Variants in PPA1 observed in about 807,000 individuals in gnomAD.
PPA1 encodes inorganic pyrophosphatase.
In PPA1, 23 loss-of-function variants were observed where a neutral mutation model predicts 41.8. The ratio of observed to expected loss-of-function variants is 0.55; its 90% CI spans 0.40 to 0.78. The LOEUF (loss-of-function observed/expected upper bound fraction) is 0.78, where lower values mean the gene tolerates loss of function less well. PPA1 is among the 30% of genes least tolerant of loss of function. The probability of loss-of-function intolerance (pLI) is 0.00; values close to 1 mark genes in which losing one functional copy is unlikely to be tolerated. For missense variants in PPA1, 320 were observed against 361.6 expected (o/e 0.89, Z 0.93); for synonymous variants, 101 against 116.8 (o/e 0.86, Z 0.87).
intron 2 of PPA1, 88 bp downstream of exon 2, chr10:70,230,253 C>T: frequency 3.5e-6 from 5 of 1,446,720 alleles, no homozygotes; most frequent in Non-Finnish European, 4.8e-6. Context: ...GCATTTTAAG[C>T]ACTTGTTGAG....
intron 7 of PPA1, 117 bp from the exon 8 acceptor site, chr10:70,209,407 G>A (rs2136753825): frequency 7.7e-7 from 1 of 1,297,218 alleles, no homozygotes; most frequent in African/African-American, 1.5e-5. Flanking sequence ...TTCTAAAAAT[G>A]GAAGAGAATA....
Position 70,213,475 on chromosome 10 carries a change from C to A in PPA1, c.499G>T (p.Ala167Ser). The A allele has an allele frequency of 2.5e-6, 4 of 1,613,842 alleles. No homozygotes were observed. In the South Asian group the frequency reaches 3.3e-5, roughly 13 times the overall value. Residue 167 changes from alanine to serine, a missense_variant, in exon 6 of 11, where the codon GCC (alanine) becomes TCC (serine). Coordinates refer to ENST00000373232, the MANE Select transcript of PPA1 (RefSeq NM_021129.4). ...CAAATTTTCTTACCATTATAATTGG[C>A]TGCATCAGGATCATCCACATTAATG... ...IAINVDDPDA[A>S]NYNDINDVKR... is the part of the protein sequence containing the mutation.
At position 70,220,638 on chromosome 10, in the gene PPA1, A is replaced by AATTTATATATAT. The variant is rs1840135544; in HGVS notation, c.124-1822_124-1821insATATATATAAAT. On this transcript the variant is annotated intron_variant, in intron 2 of 10. Transcript: ENST00000373232. Reference sequence around the variant, plus strand: ...TATATATAATTTATATATATATAATATATATAATTTATATATATATTATAT... The same window carrying AATTTATATATAT: ...TATATATAATTTATATATATATAATAATTTATATATATTATATAATTTATATATATATTATAT... Among the ~76,000 whole-genome samples, 3 of 8,720 alleles carry AATTTATATATAT rather than the reference A, an allele frequency of 3.4e-4. 1 individual carries two copies. The highest frequency in any genetic ancestry group is 3.7e-4 in the Non-Finnish European group (2 of 5,364). 5.7% of individuals were successfully genotyped at this position (8,720 alleles called of 152,430 possible). A position where few individuals can be genotyped will look rare whatever the true frequency, so the allele number is the denominator to read the frequency against.
chr10:70,213,841 T>C (rs1429113248), intron 5 of PPA1, among the ~76,000 whole-genome samples: 1 of 152,218 alleles, frequency 6.6e-6, no homozygotes, highest in Non-Finnish European at 1.5e-5. Context: ...GGGTAATCAA[T>C]GTTTTTTGCA....
intron 2 of PPA1, among the ~76,000 whole-genome samples, chr10:70,220,914 ATATATAAT>A (rs1840148379): frequency 1.4e-4 from 1 of 7,350 alleles, no homozygotes; most frequent in African/African-American, 8.8e-4. Flanking sequence ...TATATATAAT[ATATATAAT>A]TTTTATATAT....
chr10:70,223,319 A>C (rs1453406032), intron 2 of PPA1, among the ~76,000 whole-genome samples: 1 of 151,964 alleles, frequency 6.6e-6, no homozygotes, highest in Non-Finnish European at 1.5e-5. Context: ...GTCTCAAGCA[A>C]TCCTCCTGCC....
At chr10:70,215,900 C>G (rs1840074883) in intron 4 of PPA1, among the ~76,000 whole-genome samples, 1 of 152,180 alleles carries the variant, frequency 6.6e-6, no homozygotes, top group African/African-American at 2.4e-5. Flanking sequence ...AAATTGTAAG[C>G]CAGAGTCCTT....
chr10:70,207,025 T>C (rs963535883), intron 8 of PPA1, among the ~76,000 whole-genome samples: 2 of 152,072 alleles, frequency 1.3e-5, no homozygotes, highest in African/African-American at 4.8e-5. Flanking sequence ...ACCCAGTTCC[T>C]GTAGTGTTGG....
intron 5 of PPA1, 129 bp from the exon 6 acceptor site, chr10:70,213,718 G>T: frequency 8.6e-7 from 1 of 1,164,638 alleles, no homozygotes; most frequent in Non-Finnish European, 1.2e-6. Flanking sequence ...GTTCCTTTAA[G>T]CAAATTTTAA....
chr10:70,204,131 G>C (rs1456963549), intron 10 of PPA1: 1 of 152,496 alleles, frequency 6.6e-6, no homozygotes, highest in South Asian at 2.1e-4. Context: ...CAGCCTGGGT[G>C]ACATGGCGAA....
intron 10 of PPA1, chr10:70,203,549 G>A (rs1288370918): frequency 3.8e-5 from 7 of 182,356 alleles, no homozygotes; most frequent in South Asian, 2.4e-4. Context: ...TATTACAGAC[G>A]TGTGCCACCA....
At chr10:70,232,535 C>A (rs941457096) in intron 1 of PPA1, among the ~76,000 whole-genome samples, 1 of 152,078 alleles carries the variant, frequency 6.6e-6, no homozygotes. Context: ...GGGTAGGTAC[C>A]CCCTAGACGC....
In PPA1 at chr10:70,210,462, G is replaced by C. The variant is rs759426449; in HGVS notation, c.512-777C>G. On this transcript the variant is annotated intron_variant, in intron 6 of 10. Coordinates refer to ENST00000373232, the MANE Select transcript of PPA1 (RefSeq NM_021129.4). ...TAGATTAGATTGATATCCATTGATG[G>C]GTTACGTATTAAATGTGACTAGACT... 4.4e-6 allele frequency: 6 copies of C among 1,353,188 alleles called. No individual in the cohort carries two copies. In the South Asian group the frequency reaches 5.7e-5, roughly 13 times the overall value. 83.8% of individuals were successfully genotyped at this position (1,353,188 alleles called of 1,614,324 possible).
At chr10:70,209,075 T>G in intron 8 of PPA1, 130 bp downstream of exon 8, 6 of 609,496 alleles carry the variant, frequency 9.8e-6, no homozygotes, top group Non-Finnish European at 1.6e-5. Flanking sequence ...ATGACAGGTG[T>G]GAGCCACCGC....
rs759155147 is a variant in PPA1, at chr10:70,206,260, A to G, written c.795+4T>C. On this transcript the variant is annotated splice_donor_region_variant and intron_variant, in intron 9 of 10. Transcript: ENST00000373232. The stretch of plus-strand genomic sequence containing the variant: ...GTTTTTTTTTTAAGGAAACTTTTAC[A>G]TACAGCATCCACAATGGCTCTGGCA... The G allele has an allele frequency of 1.4e-5, 22 of 1,609,150 alleles. No homozygotes were observed. The South Asian group carries it at 1.8e-4, about 13-fold the overall frequency.
intron 5 of PPA1, among the ~76,000 whole-genome samples, chr10:70,214,107 A>G (rs1283290351): frequency 6.6e-6 from 1 of 152,188 alleles, no homozygotes; most frequent in African/African-American, 2.4e-5. Context: ...ACTACCATGG[A>G]TCTCCAACTC....
At chr10:70,221,420 T>C (rs146953006) in intron 2 of PPA1, among the ~76,000 whole-genome samples, 199 of 152,008 alleles carry the variant, frequency 1.3e-3, no homozygotes, top group African/African-American at 4.6e-3. Context: ...ACTTACCCAA[T>C]ACAACATAAA....
intron 9 of PPA1, chr10:70,205,704 CTTT>C (rs1432096914): frequency 6.6e-6 from 1 of 152,124 alleles, no homozygotes; most frequent in Non-Finnish European, 1.5e-5. Flanking sequence ...ACCTCATTTT[CTTT>C]TGTTTTCCTT....
intron 2 of PPA1, among the ~76,000 whole-genome samples, chr10:70,220,934 CTATATATATAATTTATATAT>C (rs1840149346): frequency 8.0e-5 from 1 of 12,484 alleles, no homozygotes; most frequent in African/African-American, 2.7e-4. Flanking sequence ...TTTATATATA[CTATATATATAATTTATATAT>C]AATATATATA....
Sources: gnomAD v4.1 joint callset for allele counts (sites outside exome capture counted in the v4.1 genomes callset) on GRCh38, gnomAD v4.1.1 for gene constraint, MANE v1.5 for transcripts, NCBI Gene and HGNC (gene_info 2026-07-23, HGNC 2026-07-21) for gene names.